GOLM1: variants seen among roughly 807,000 people sequenced by gnomAD.
The protein encoded by GOLM1 is golgi membrane protein 1, also known as epididymis luminal protein 46.
In GOLM1, 31 loss-of-function variants were observed where a neutral mutation model predicts 50.5. The observed-to-expected ratio is 0.61, with a 90% CI of 0.46 to 0.83. The LOEUF (loss-of-function observed/expected upper bound fraction) is 0.83. Among genes scored for constraint, GOLM1 ranks in the 40% least tolerant of loss-of-function variants. The pLI, the probability that GOLM1 is intolerant of heterozygous loss-of-function variation, is 0.00. For missense variants in GOLM1, 491 were observed against 501.3 expected, an observed-to-expected ratio of 0.98 and a Z score of 0.20; for synonymous variants, 178 against 192.8, an observed-to-expected ratio of 0.92 and a Z score of 0.64.
chr9:86,059,189 G>A (rs189370549), intron 3 of GOLM1, among the ~76,000 whole-genome samples: 76 of 152,178 alleles, frequency 5.0e-4, no homozygotes, highest in African/African-American at 1.7e-3. Context: ...AATCCCACTT[G>A]TAGGTGTACA....
chr9:86,047,290 G>A (rs1273394766), intron 4 of GOLM1, among the ~76,000 whole-genome samples: 1 of 152,216 alleles, frequency 6.6e-6, no homozygotes, highest in Non-Finnish European at 1.5e-5. Context: ...GGCAGCAGCA[G>A]CCAGGCCCGG....
chr9:86,095,410 CTT>C (rs529708521), intron 1 of GOLM1, among the ~76,000 whole-genome samples: 16 of 130,766 alleles, frequency 1.2e-4, no homozygotes, highest in Admixed American at 3.6e-4. Flanking sequence ...TGTATTTTCC[CTT>C]TTTTTTTTTT....
chr9:86,091,856 T>C (rs1835195608), intron 1 of GOLM1, among the ~76,000 whole-genome samples: 1 of 152,220 alleles, frequency 6.6e-6, no homozygotes, highest in African/African-American at 2.4e-5. Context: ...AACCATTTAA[T>C]ATTCTCTTTT....
rs140984957 is a variant in GOLM1, at chr9:86,046,538, C to G, written c.399G>C (p.Arg133Ser). Residue 133 changes from arginine to serine, a missense_variant, in exon 5 of 10, where the codon AGG (arginine) becomes AGC (serine). By Grantham distance (110) the Arg-to-Ser change is moderately radical (BLOSUM62 -1). Transcript: ENST00000388712. Reference protein sequence around the residue: ...QLKTLQRNYGRLQQDVLQFQK... With the variant: ...QLKTLQRNYGSLQQDVLQFQK... The stretch of plus-strand genomic sequence containing the variant: ...GAAACTGGAGGACATCCTGCTGCAG[C>G]CTGCCGTAATTCCTCTGCAGGGTCT... 4,780 of 1,613,242 alleles carry G rather than the reference C, an allele frequency of 3.0e-3. 41 individuals are homozygous for G. The highest frequency in any genetic ancestry group is 0.016 in the South Asian group (1,433 of 90,950).
At position 86,035,282 on chromosome 9, in the gene GOLM1, A is replaced by G. The variant is rs544077657; in HGVS notation, c.1015+86T>C. On this transcript the variant is annotated intron_variant, in intron 8 of 9. Coordinates refer to ENST00000388712, the MANE Select transcript of GOLM1 (RefSeq NM_016548.4). ...CTGCTGTTTGGTAAAATTCAGGGTG[A>G]TATGTTGGTGCTGGGAAGGACATGG... The G allele has an allele frequency of 1.9e-5, 30 of 1,550,206 alleles. No individual in the cohort carries two copies. The Middle Eastern group carries it at 7.3e-4, about 38-fold the overall frequency.
intron 3 of GOLM1, among the ~76,000 whole-genome samples, chr9:86,052,793 C>G (rs1327654183): frequency 6.6e-6 from 1 of 152,114 alleles, no homozygotes; most frequent in Non-Finnish European, 1.5e-5. Flanking sequence ...CTCCCCACCA[C>G]CGCCTCTGGA....
At chr9:86,059,168 T>C (rs1455361513) in intron 3 of GOLM1, among the ~76,000 whole-genome samples, 1 of 152,024 alleles carries the variant, frequency 6.6e-6, no homozygotes, top group African/African-American at 2.4e-5. Context: ...AGAGCTACCA[T>C]ATGACCCAAC....
intron 1 of GOLM1, among the ~76,000 whole-genome samples, chr9:86,093,775 GC>G (rs1563970743): frequency 6.6e-6 from 1 of 152,112 alleles, no homozygotes; most frequent in Non-Finnish European, 1.5e-5. Context: ...AAATACACGA[GC>G]CCCTTGACCC....
rs1554782111 is a variant in GOLM1 at position 86,037,453 on chromosome 9, A to AAAAAG, written c.598-947_598-946insCTTTT. ...GACTGTCTCTCAAAAAAAAAAAAAA[A>AAAAAG]AAAAAGAAAATGCTTTGCCACAAAA... is the stretch of plus-strand genomic sequence containing the variant. On this transcript the variant is annotated intron_variant, in intron 6 of 9. Transcript: ENST00000388712. Among the ~76,000 whole-genome samples, 376 of 151,848 alleles carry AAAAAG rather than the reference A, an allele frequency of 2.5e-3. 1 individual carries two copies. Among genetic ancestry groups the AAAAAG allele is most frequent in the African/African-American group, 8.6e-3 (355 of 41,276 alleles).
intron 4 of GOLM1, among the ~76,000 whole-genome samples, chr9:86,051,215 T>C (rs1833739116): frequency 1.3e-5 from 2 of 152,226 alleles, no homozygotes; most frequent in Admixed American, 1.3e-4. Flanking sequence ...TTGATTGCAC[T>C]GTGGTCTGAG....
intron 6 of GOLM1, 190 bp from the exon 7 acceptor site, chr9:86,036,697 A>G (rs1324863849): frequency 1.3e-5 from 8 of 604,138 alleles, no homozygotes; most frequent in Non-Finnish European, 2.0e-5. Flanking sequence ...CAAGAGGTTG[A>G]GTCAAGGTCT....
rs768118330 is a variant in GOLM1 at position 86,052,589 on chromosome 9, C to T, written c.312G>A (p.Ala104=). 5.0e-6 allele frequency: 8 copies of T among 1,613,466 alleles called. No individual in the cohort carries two copies. Among genetic ancestry groups the T allele is most frequent in the African/African-American group, 2.7e-5 (2 of 74,892 alleles). Residue 104 remains alanine, a splice_region_variant and synonymous_variant, in exon 4 of 10, where the codon GCG becomes GCA. Transcript: ENST00000388712. ...SVNKLYQDEK[A]VLVNNITTGE... is the part of the protein sequence containing the mutation. ...CTGTGGTGATGTTATTCACCAAAAC[C>T]GCCTGCAACGAAGATAAACTCGCAT... is the stretch of plus-strand genomic sequence containing the variant.
At chr9:86,089,782 C>G (rs1184250752) in intron 1 of GOLM1, among the ~76,000 whole-genome samples, 1 of 152,090 alleles carries the variant, frequency 6.6e-6, no homozygotes, top group Non-Finnish European at 1.5e-5. Flanking sequence ...ATTCTCTGTC[C>G]AGTTTTGTTC....
At chr9:86,079,075 G>T in intron 2 of GOLM1, 117 bp downstream of exon 2, 1 of 882,460 alleles carries the variant, frequency 1.1e-6, no homozygotes, top group Non-Finnish European at 1.7e-6. Context: ...TTACAAGCGT[G>T]TGCCCTGCAC....
At chr9:86,084,859 C>T (rs1235585237) in intron 1 of GOLM1, 1 of 152,194 alleles carries the variant, frequency 6.6e-6, no homozygotes, top group African/African-American at 2.4e-5. Flanking sequence ...ACCATCCTCA[C>T]CAATATGGTG....
chr9:86,085,518 T>C (rs1180403893), intron 1 of GOLM1, among the ~76,000 whole-genome samples: 1 of 147,436 alleles, frequency 6.8e-6, no homozygotes, highest in African/African-American at 2.5e-5. Context: ...CTGGGATACA[T>C]GTGCAAAACG....
rs1483431942 is a variant in GOLM1, at chr9:86,026,481, G to T, written c.*1336C>A. The T allele has an allele frequency of 1.1e-6, 1 of 930,836 alleles. No homozygotes were observed. The highest frequency in any genetic ancestry group is 1.3e-6 in the Non-Finnish European group (1 of 780,342). The allele number at this position is 930,836 out of a possible 1,614,324, so 57.7% of individuals were successfully genotyped here. A position where few individuals can be genotyped will look rare whatever the true frequency, so the allele number is the denominator to read the frequency against. ...ACTCGGGAGTCTGTGTGAGGCCAGGGGTGCCAGCGCACCAGCTAGATGCTC... is the reference window on the plus strand; with the variant it reads ...ACTCGGGAGTCTGTGTGAGGCCAGGTGTGCCAGCGCACCAGCTAGATGCTC... On this transcript the variant is annotated 3_prime_UTR_variant, in exon 10 of 10. Transcript: ENST00000388712.
intron 1 of GOLM1, among the ~76,000 whole-genome samples, chr9:86,088,080 T>TG (rs1835034019): frequency 6.6e-6 from 1 of 152,140 alleles, no homozygotes; most frequent in South Asian, 2.1e-4. Flanking sequence ...GGGCTTTTTT[T>TG]GGTTGGTAGG....
intron 1 of GOLM1, among the ~76,000 whole-genome samples, chr9:86,086,241 C>T (rs1834957265): frequency 6.6e-6 from 1 of 152,164 alleles, no homozygotes; most frequent in African/African-American, 2.4e-5. Flanking sequence ...ATCTTTTGTT[C>T]ATATGTTTGT....
Sources: gnomAD v4.1 joint callset for allele counts (sites outside exome capture counted in the v4.1 genomes callset) on GRCh38, gnomAD v4.1.1 for gene constraint, MANE v1.5 for transcripts, NCBI Gene and HGNC (gene_info 2026-07-23, HGNC 2026-07-21) for gene names.